ZNF780B: variants seen among roughly 807,000 people sequenced by gnomAD.
ZNF780B encodes the protein zinc finger protein 779.
A neutral mutation model predicts 74.1 loss-of-function variants in ZNF780B; 52 were observed. The ratio of observed to expected loss-of-function variants is 0.70; its 90% CI spans 0.56 to 0.88. ZNF780B has a LOEUF of 0.88. Among genes scored for constraint, ZNF780B ranks in the 40% least tolerant of loss-of-function variants. The pLI is 0.00. For synonymous variants in ZNF780B, 315 were observed against 324.3 expected, an observed-to-expected ratio of 0.97 and a Z score of 0.31; for missense variants, 953 against 1,007.6, an observed-to-expected ratio of 0.95 and a Z score of 0.73.
chr19:40,046,656 C>G (rs1369712632), intron 4 of ZNF780B, among the ~76,000 whole-genome samples: 1 of 152,204 alleles, frequency 6.6e-6, no homozygotes, highest in African/African-American at 2.4e-5. Context: ...ACTCCTATTT[C>G]CTTGTCTCTA....
intron 1 of ZNF780B, among the ~76,000 whole-genome samples, chr19:40,054,334 A>T (rs904366680): frequency 2.0e-5 from 3 of 152,204 alleles, no homozygotes; most frequent in Non-Finnish European, 4.4e-5. Flanking sequence ...CAACGTATCT[A>T]CTATTAATAA....
At chr19:40,048,112 A>T (rs1482469534) in intron 3 of ZNF780B, among the ~76,000 whole-genome samples, 5 of 152,156 alleles carry the variant, frequency 3.3e-5, no homozygotes, top group African/African-American at 1.2e-4. Flanking sequence ...AGTTCTGTCA[A>T]CCCAATCAGT....
Position 40,035,619 on chromosome 19 carries a change from C to T in ZNF780B, c.1240G>A (p.Val414Ile). ...CACTCCTTACATTCATATGGTTTTA[C>T]ATCAGCATGAATACTCTGGTGTTGA... is the stretch of plus-strand genomic sequence containing the variant. ...LIQHQSIHAD[V>I]KPYECKECGK... The change falls in exon 5 of 5, where the codon GTA (valine) becomes ATA (isoleucine). Residue 414 changes from valine (V) to isoleucine (I), a missense_variant. Coordinates refer to ENST00000434248, the MANE Select transcript of ZNF780B (RefSeq NM_001005851.3). 6.2e-7 allele frequency: 1 copy of T among 1,613,820 alleles called. No homozygotes were observed. The highest frequency in any genetic ancestry group is 8.5e-7 in the Non-Finnish European group (1 of 1,179,968).
rs1972026144 is a variant in ZNF780B at position 40,032,040 on chromosome 19, C to T, written c.*2317G>A. 2.2e-6 allele frequency: 1 copy of T among 456,054 alleles called. No individual in the cohort carries two copies. Among genetic ancestry groups the T allele is most frequent in the Admixed American group, 2.4e-5 (1 of 42,406 alleles). The allele number at this position is 456,054 out of a possible 1,614,324, so 28.3% of individuals were successfully genotyped here. A position where few individuals can be genotyped will look rare whatever the true frequency, so the allele number is the denominator to read the frequency against. Reference sequence around the variant, plus strand: ...GTTTAATCTAGACCTAAGAAAGCCTCTGGACTTACTTTCCCTTGTAAAGAA... The same window carrying T: ...GTTTAATCTAGACCTAAGAAAGCCTTTGGACTTACTTTCCCTTGTAAAGAA... On this transcript the variant is annotated 3_prime_UTR_variant, in exon 5 of 5. Transcript: ENST00000434248.
chr19:40,036,195 C>G lies in ZNF780B; in HGVS notation c.664G>C (p.Glu222Gln). ...QKFHTGEKTF[E>Q]CKECGKAFNL... Reference sequence around the variant, plus strand: ...AAGGCTTTTCCACATTCCTTACATTCAAAAGTTTTCTCACCAGTATGAAAT... The same window carrying G: ...AAGGCTTTTCCACATTCCTTACATTGAAAAGTTTTCTCACCAGTATGAAAT... Residue 222 changes from glutamate (E) to glutamine (Q), a missense_variant, in exon 5 of 5, where the codon GAA (glutamate) becomes CAA (glutamine). By Grantham distance (29) the Glu-to-Gln change is conservative. Transcript: ENST00000434248. The G allele has an allele frequency of 6.2e-7, 1 of 1,612,970 alleles. No homozygotes were observed. The highest frequency in any genetic ancestry group is 8.5e-7 in the Non-Finnish European group (1 of 1,179,666).
chr19:40,034,402 GT>G lies in ZNF780B; in HGVS notation c.2456del (p.Asp819AlafsTer7). 6.2e-7 allele frequency: 1 copy of G among 1,613,504 alleles called. No homozygotes were observed. On this transcript the variant is annotated frameshift_variant, in exon 5 of 5. Transcript: ENST00000434248. LOFTEE classifies it high-confidence loss of function. ...LNVRNVGQPS[D>X]ISSNLLNIRK... The stretch of plus-strand genomic sequence containing the variant: ...TGATGTTCAGTAAGTTGCTACTGAT[GT>G]CTGAAGGCTGTCCCACATTTCTTAC...
intron 4 of ZNF780B, among the ~76,000 whole-genome samples, chr19:40,037,686 C>T (rs1033654789): frequency 6.6e-6 from 1 of 152,034 alleles, no homozygotes; most frequent in Non-Finnish European, 1.5e-5. Flanking sequence ...GCACAAAATC[C>T]AAAAACCTTA....
chr19:40,040,470 G>C (rs1426770914), intron 4 of ZNF780B, among the ~76,000 whole-genome samples: 1 of 152,208 alleles, frequency 6.6e-6, no homozygotes, highest in African/African-American at 2.4e-5. Flanking sequence ...GATTGGAATA[G>C]TTTCAGAAGG....
Position 40,048,726 on chromosome 19 carries a change from TG to T in ZNF780B, c.79del (p.Gln27ArgfsTer8). The T allele has an allele frequency of 6.2e-7, 1 of 1,614,090 alleles. No individual in the cohort carries two copies. Among genetic ancestry groups the T allele is most frequent in the East Asian group, 2.2e-5 (1 of 44,896 alleles). ...QEEWECLQPD[Q>X]RTLYRDVMLE... ...CATCACATCCCTGTACAAGGTCCTC[TG>T]ATCAGGCTGCAGGCACTCCCACTCC... is the stretch of plus-strand genomic sequence containing the variant. On this transcript the variant is annotated frameshift_variant, in exon 3 of 5. Transcript: ENST00000434248. LOFTEE classifies it high-confidence loss of function.
Position 40,035,628 on chromosome 19 carries a change from G to C in ZNF780B, c.1231C>G (p.His411Asp), listed in dbSNP as rs746672170. ...CATTCATATGGTTTTACATCAGCAT[G>C]AATACTCTGGTGTTGAATAAGGTTT... ...SSNLIQHQSI[H>D]ADVKPYECKE... The change falls in exon 5 of 5, where the codon CAT (histidine) becomes GAT (aspartate). Residue 411 changes from histidine (H) to aspartate (D), a missense_variant. His to Asp is a moderately conservative substitution (Grantham distance 81, BLOSUM62 -1). Coordinates refer to ENST00000434248, the MANE Select transcript of ZNF780B (RefSeq NM_001005851.3). 5.0e-6 allele frequency: 8 copies of C among 1,613,856 alleles called. No individual in the cohort carries two copies. Among genetic ancestry groups the C allele is most frequent in the African/African-American group, 1.3e-5 (1 of 74,934 alleles).
intron 4 of ZNF780B, among the ~76,000 whole-genome samples, chr19:40,040,530 C>T (rs1444110074): frequency 2.6e-5 from 4 of 152,280 alleles, no homozygotes; most frequent in Non-Finnish European, 5.9e-5. Context: ...GCTGTGAATC[C>T]ATCTGGTCCT....
chr19:40,054,013 T>C (rs1426261933), intron 1 of ZNF780B, among the ~76,000 whole-genome samples: 1 of 151,998 alleles, frequency 6.6e-6, no homozygotes, highest in Admixed American at 6.6e-5. Flanking sequence ...ATAAGCTGGG[T>C]GTGGTGGCAT....
In ZNF780B at chr19:40,031,032, A is replaced by G. The variant is rs575521179; in HGVS notation, c.*3325T>C. On this transcript the variant is annotated 3_prime_UTR_variant, in exon 5 of 5. Transcript: ENST00000434248. The stretch of plus-strand genomic sequence containing the variant: ...TGATTATAGATGCAATTAAATGGTA[A>G]AAGATAGAATTAAGTAGTCTATTGA... The G allele has an allele frequency of 1.4e-4, 22 of 152,232 alleles. No homozygotes were observed. Among genetic ancestry groups the G allele is most frequent in the Admixed American group, 3.9e-4 (6 of 15,286 alleles). 9.4% of individuals were successfully genotyped at this position (152,232 alleles called of 1,614,324 possible).
At chr19:40,041,859 C>T (rs146580856) in intron 4 of ZNF780B, among the ~76,000 whole-genome samples, 1 of 152,050 alleles carries the variant, frequency 6.6e-6, no homozygotes, top group Non-Finnish European at 1.5e-5. Context: ...ACTCTTTATC[C>T]AATTTGCCAG....
In ZNF780B at chr19:40,034,267, A is replaced by T; in HGVS notation, c.*90T>A. On this transcript the variant is annotated 3_prime_UTR_variant, in exon 5 of 5. Coordinates refer to ENST00000434248, the MANE Select transcript of ZNF780B (RefSeq NM_001005851.3). ...CATTTCCCACATCCTTGACATTCATAAGGGTTCTCACGAATATGAAATCTA... is the reference window on the plus strand; with the variant it reads ...CATTTCCCACATCCTTGACATTCATTAGGGTTCTCACGAATATGAAATCTA... 1 of 1,107,570 alleles carries T rather than the reference A, an allele frequency of 9.0e-7. No individual in the cohort carries two copies. Among genetic ancestry groups the T allele is most frequent in the Non-Finnish European group, 1.3e-6 (1 of 768,080 alleles). 68.6% of individuals were successfully genotyped at this position (1,107,570 alleles called of 1,614,324 possible).
chr19:40,036,284 G>C lies in ZNF780B; in HGVS notation c.575C>G (p.Pro192Arg), dbSNP rs765490662. Reference sequence around the variant, plus strand: ...TTTCCCACATTCTTTGCATTTATAGGGTTTCTCTCCAGTATGAATACTCTG... The same window carrying C: ...TTTCCCACATTCTTTGCATTTATAGCGTTTCTCTCCAGTATGAATACTCTG... The part of the protein sequence containing the change: ...QHQSIHTGEK[P>R]YKCKECGKAF... Residue 192 changes from proline (P) to arginine (R), a missense_variant, in exon 5 of 5, where the codon CCC (proline) becomes CGC (arginine). Transcript: ENST00000434248. The C allele has an allele frequency of 2.5e-6, 4 of 1,612,986 alleles. No individual in the cohort carries two copies. In the African/African-American group the frequency reaches 5.3e-5, roughly 22 times the overall value.
At chr19:40,053,044 C>A (rs1973308753) in intron 1 of ZNF780B, among the ~76,000 whole-genome samples, 1 of 151,512 alleles carries the variant, frequency 6.6e-6, no homozygotes, top group East Asian at 1.9e-4. Context: ...ATTTTTTTTT[C>A]TAGAAATGAC....
At position 40,036,490 on chromosome 19, in the gene ZNF780B, T is replaced by A. The variant is rs913858808; in HGVS notation, c.369A>T (p.Glu123Asp). 6 of 1,610,794 alleles carry A rather than the reference T, an allele frequency of 3.7e-6. No individual in the cohort carries two copies. Among genetic ancestry groups the A allele is most frequent in the Non-Finnish European group, 5.1e-6 (6 of 1,179,000 alleles). Residue 123 changes from glutamate to aspartate, a missense_variant, in exon 5 of 5, where the codon GAA (glutamate) becomes GAT (aspartate). By Grantham distance (45) the Glu-to-Asp change is conservative. Transcript: ENST00000434248. ...LEAFYFRNDS[E>D]YRSRFEGRQG... ...GTCGTCCCTCAAATCTACTTCTATA[T>A]TCTGAGTCATTTCTAAAATAAAAGG...
In ZNF780B at chr19:40,034,970, T is replaced by A. The variant is rs763519774; in HGVS notation, c.1889A>T (p.His630Leu). ...CTCACCTGTGTGAATGTTCTTATGG[T>A]GATTAAGCTGGGTGTGAAGACTGAA... ...KAFSLHTQLN[H>L]HKNIHTGEKP... The change falls in exon 5 of 5, where the codon CAC becomes CTC. Residue 630 changes from histidine to leucine, a missense_variant. His to Leu is a moderately conservative substitution (Grantham distance 99). Transcript: ENST00000434248. 1 of 1,613,954 alleles carries A rather than the reference T, an allele frequency of 6.2e-7. No homozygotes were observed. Among genetic ancestry groups the A allele is most frequent in the East Asian group, 2.2e-5 (1 of 44,868 alleles).
Sources: gnomAD v4.1 joint callset for allele counts (sites outside exome capture counted in the v4.1 genomes callset) on GRCh38, gnomAD v4.1.1 for gene constraint, MANE v1.5 for transcripts, NCBI Gene and HGNC (gene_info 2026-07-23, HGNC 2026-07-21) for gene names.